RABIF: variants seen among roughly 807,000 people sequenced by gnomAD.
The protein encoded by RABIF is RAB interacting factor, also known as guanine nucleotide exchange factor MSS4.
Under a neutral mutation model 12.3 loss-of-function variants are expected in RABIF, and 13 were observed. The ratio of observed to expected loss-of-function variants is 1.06; its 90% CI spans 0.69 to 1.68. The LOEUF (loss-of-function observed/expected upper bound fraction) is 1.68. RABIF is among the 40% of genes most tolerant of loss of function. The probability of loss-of-function intolerance (pLI) is 0.00; values close to 1 mark genes in which losing one functional copy is unlikely to be tolerated. For synonymous variants in RABIF, 70 were observed against 63.3 expected, an observed-to-expected ratio of 1.11 and a Z score of -0.50; for missense variants, 153 against 158.0, an observed-to-expected ratio of 0.97 and a Z score of 0.17.
Position 202,882,866 on chromosome 1 carries a change from A to C in RABIF, c.127-1643T>G, listed in dbSNP as rs1039471278. ...ATCTCAACTATTTGTTAAGAGAATG[A>C]ACATAGAATATCTGGCTTTGATCTA... On this transcript the variant is annotated intron_variant, in intron 1 of 1. Transcript: ENST00000367262. Among the ~76,000 whole-genome samples, 4 of 152,262 alleles carry C rather than the reference A, an allele frequency of 2.6e-5. No individual in the cohort carries two copies. The East Asian group carries it at 7.7e-4, about 29-fold the overall frequency.
At chr1:202,884,340 C>A (rs150920273) in intron 1 of RABIF, among the ~76,000 whole-genome samples, 1 of 152,178 alleles carries the variant, frequency 6.6e-6, no homozygotes, top group Non-Finnish European at 1.5e-5. Context: ...TTAACTTTTT[C>A]GTAATCTTTT....
At chr1:202,884,024 C>CA (rs1659526109) in intron 1 of RABIF, among the ~76,000 whole-genome samples, 1 of 152,042 alleles carries the variant, frequency 6.6e-6, no homozygotes, top group Non-Finnish European at 1.5e-5. Context: ...GGGATGGCAA[C>CA]AAAAAAATTA....
At position 202,879,562 on chromosome 1, in the gene RABIF, AAC is replaced by A. The variant is rs765583112; in HGVS notation, c.*1414_*1415del. On this transcript the variant is annotated 3_prime_UTR_variant, in exon 2 of 2. Coordinates refer to ENST00000367262, the MANE Select transcript of RABIF (RefSeq NM_002871.5). ...TGGACATGTGACCGTTTGTCGGAAA[AAC>A]ACAGTTCTCTCAATTGCTTACTAAA... 2 of 152,184 alleles carry A rather than the reference AAC, an allele frequency of 1.3e-5. No homozygotes were observed. The highest frequency in any genetic ancestry group is 4.8e-5 in the African/African-American group (2 of 41,436). The allele number at this position is 152,184 out of a possible 1,614,324, so 9.4% of individuals were successfully genotyped here. A position where few individuals can be genotyped will look rare whatever the true frequency, so the allele number is the denominator to read the frequency against.
chr1:202,884,923 T>C (rs1433625778), intron 1 of RABIF, among the ~76,000 whole-genome samples: 4 of 151,094 alleles, frequency 2.6e-5, no homozygotes. Context: ...CCATCTCTAC[T>C]AAAAAAATGC....
Position 202,880,675 on chromosome 1 carries a change from A to G in RABIF, c.*303T>C. The G allele has an allele frequency of 7.3e-6, 8 of 1,093,362 alleles. No homozygotes were observed. The South Asian group carries it at 1.2e-4, about 16-fold the overall frequency. 67.7% of individuals were successfully genotyped at this position (1,093,362 alleles called of 1,614,324 possible). Reference sequence around the variant, plus strand: ...CAAGAAAAAGCGGGAGCCCCTGGGCAAAACAGAGCCTAGGGAGAATGCCAG... The same window carrying G: ...CAAGAAAAAGCGGGAGCCCCTGGGCGAAACAGAGCCTAGGGAGAATGCCAG... On this transcript the variant is annotated 3_prime_UTR_variant, in exon 2 of 2. Transcript: ENST00000367262.
rs1659465833 is a variant in RABIF, at chr1:202,880,116, A to C, written c.*862T>G. On this transcript the variant is annotated 3_prime_UTR_variant, in exon 2 of 2. Coordinates refer to ENST00000367262, the MANE Select transcript of RABIF (RefSeq NM_002871.5). ...AGTCTTGCCTATGAACAAAAGAAGA[A>C]AGTTACTTGTCCAGATGTGGCAAAT... The C allele has an allele frequency of 6.6e-6, 1 of 152,206 alleles. No homozygotes were observed. The highest frequency in any genetic ancestry group is 2.4e-5 in the African/African-American group (1 of 41,436). 9.4% of individuals were successfully genotyped at this position (152,206 alleles called of 1,614,324 possible). A position where few individuals can be genotyped will look rare whatever the true frequency, so the allele number is the denominator to read the frequency against.
intron 1 of RABIF, among the ~76,000 whole-genome samples, chr1:202,887,451 C>T (rs1332745149): frequency 6.6e-6 from 1 of 151,086 alleles, no homozygotes; most frequent in African/African-American, 2.5e-5. Context: ...AGACTGGACA[C>T]CCCTGTTTTA....
intron 1 of RABIF, among the ~76,000 whole-genome samples, chr1:202,887,693 G>A (rs936495433): frequency 1.3e-5 from 2 of 151,750 alleles, no homozygotes; most frequent in Non-Finnish European, 2.9e-5. Flanking sequence ...TAGTAGAGAT[G>A]GGGTTTTGCC....
At position 202,881,142 on chromosome 1, in the gene RABIF, G is replaced by A. The variant is rs1248207873; in HGVS notation, c.208C>T (p.Leu70=). ...PDGDLLQEHW[L]VEDMFIFENV... Reference sequence around the variant, plus strand: ...TCAAAAATGAACATGTCCTCAACCAGCCAGTGTTCCTGGAGGAGATCGCCG... The same window carrying A: ...TCAAAAATGAACATGTCCTCAACCAACCAGTGTTCCTGGAGGAGATCGCCG... The change falls in exon 2 of 2, where the codon CTG becomes TTG. Residue 70 remains leucine (L), a synonymous_variant. Transcript: ENST00000367262. The A allele has an allele frequency of 6.2e-7, 1 of 1,614,136 alleles. No homozygotes were observed. Among genetic ancestry groups the A allele is most frequent in the Non-Finnish European group, 8.5e-7 (1 of 1,179,986 alleles).
rs112157969 is a variant in RABIF at position 202,882,577 on chromosome 1, C to T, written c.127-1354G>A. ...TCAAAAAGTAATAAAATAAAATGCA[C>T]AGTTTATTTCACTTTAGCACATGTA... On this transcript the variant is annotated intron_variant, in intron 1 of 1. Transcript: ENST00000367262. Among the ~76,000 whole-genome samples the T allele has an allele frequency of 3.7e-3, 566 of 152,158 alleles. 3 individuals carry two copies. The highest frequency in any genetic ancestry group is 0.013 in the African/African-American group (532 of 41,496).
intron 1 of RABIF, among the ~76,000 whole-genome samples, chr1:202,884,661 G>T (rs1228888279): frequency 6.6e-6 from 1 of 152,096 alleles, no homozygotes; most frequent in Non-Finnish European, 1.5e-5. Flanking sequence ...CAGTGCTCAG[G>T]TGTGTGAGCC....
chr1:202,878,647 AACAG>A lies in RABIF; in HGVS notation c.*2327_*2330del, dbSNP rs1416953861. 3.3e-5 allele frequency among the ~76,000 whole-genome samples: 5 copies of A among 152,238 alleles called. No homozygotes were observed. Among genetic ancestry groups the A allele is most frequent in the Non-Finnish European group, 7.3e-5 (5 of 68,042 alleles). ...CTTTGATTCCATGTTTTTGTAAAAC[AACAG>A]ACAATTATGTGGAAACAATCAGGCT... is the stretch of plus-strand genomic sequence containing the variant. On this transcript the variant is annotated 3_prime_UTR_variant, in exon 2 of 2. Transcript: ENST00000367262.
At chr1:202,882,363 G>A (rs1269001617) in intron 1 of RABIF, among the ~76,000 whole-genome samples, 1 of 152,090 alleles carries the variant, frequency 6.6e-6, no homozygotes, top group African/African-American at 2.4e-5. Flanking sequence ...CAGCCTGGGC[G>A]ACAGAGCGAG....
intron 1 of RABIF, among the ~76,000 whole-genome samples, chr1:202,883,241 A>T (rs1447485351): frequency 6.6e-6 from 1 of 152,096 alleles, no homozygotes; most frequent in Admixed American, 6.6e-5. Context: ...TACATTGCCC[A>T]GGCTGGGTTT....
Position 202,889,146 on chromosome 1 carries a change from C to G in RABIF, c.-48G>C. On this transcript the variant is annotated 5_prime_UTR_variant, in exon 1 of 2. Coordinates refer to ENST00000367262, the MANE Select transcript of RABIF (RefSeq NM_002871.5). ...TCAGCCACGGCTGCGCAGACGCTGT[C>G]TCTGCTGGCTCGTTATTCACTGCGC... The G allele has an allele frequency of 6.4e-7, 1 of 1,553,146 alleles. No individual in the cohort carries two copies. Among genetic ancestry groups the G allele is most frequent in the Non-Finnish European group, 8.7e-7 (1 of 1,149,564 alleles).
rs1376842893 is a variant in RABIF at position 202,879,192 on chromosome 1, T to C, written c.*1786A>G. The C allele has an allele frequency of 6.6e-6, 1 of 152,236 alleles. No individual in the cohort carries two copies. The highest frequency in any genetic ancestry group is 2.4e-5 in the African/African-American group (1 of 41,450). The allele number at this position is 152,236 out of a possible 1,614,324, so 9.4% of individuals were successfully genotyped here. A position where few individuals can be genotyped will look rare whatever the true frequency, so the allele number is the denominator to read the frequency against. On this transcript the variant is annotated 3_prime_UTR_variant, in exon 2 of 2. Coordinates refer to ENST00000367262, the MANE Select transcript of RABIF (RefSeq NM_002871.5). ...TTTTTTTGTTGTTACTGTTGTTGTT[T>C]GTTTGAGACAGGGTCTCACTCTGTT...
At chr1:202,881,282 C>G in intron 1 of RABIF, 59 bp from the exon 2 acceptor site, 1 of 1,555,238 alleles carries the variant, frequency 6.4e-7, no homozygotes, top group Non-Finnish European at 8.7e-7. Context: ...TCCATCAACA[C>G]CCCCGTTCTA....
chr1:202,881,527 G>A lies in RABIF; in HGVS notation c.127-304C>T, dbSNP rs533896829. ...CGCCATTCTCCTGCCTCAGCCTCCC[G>A]AGTAGCTGGGACTACAGGTGCCCGC... On this transcript the variant is annotated intron_variant, in intron 1 of 1. Transcript: ENST00000367262. Among the ~76,000 whole-genome samples the A allele has an allele frequency of 1.3e-3, 200 of 151,960 alleles. 1 individual carries two copies. The highest frequency in any genetic ancestry group is 3.5e-3 in the African/African-American group (146 of 41,444).
intron 1 of RABIF, among the ~76,000 whole-genome samples, chr1:202,887,196 A>G (rs1013290792): frequency 9.9e-5 from 15 of 152,150 alleles, no homozygotes; most frequent in Admixed American, 3.3e-4. Flanking sequence ...TACTCGGCAC[A>G]GTGCTAAGTG....
Sources: gnomAD v4.1 joint callset for allele counts (sites outside exome capture counted in the v4.1 genomes callset) on GRCh38, gnomAD v4.1.1 for gene constraint, MANE v1.5 for transcripts, NCBI Gene and HGNC (gene_info 2026-07-23, HGNC 2026-07-21) for gene names.